The following UHRF2 variants were observed in gnomAD, a reference collection of about 807,000 sequenced individuals.
The protein encoded by UHRF2 is E3 ubiquitin-protein ligase UHRF2.
UHRF2 carries 23 observed loss-of-function variants against 96.8 expected under a neutral mutation model. That is an observed-to-expected ratio of 0.24 (90% CI 0.17 to 0.34). The LOEUF (loss-of-function observed/expected upper bound fraction) is 0.34. Among genes scored for constraint, UHRF2 ranks in the 10% least tolerant of loss-of-function variants. The probability of loss-of-function intolerance (pLI) is 1.00; values close to 1 mark genes in which losing one functional copy is unlikely to be tolerated. For missense variants in UHRF2, 685 were observed against 981.5 expected (o/e 0.70, Z 4.04); for synonymous variants, 385 against 332.6 (o/e 1.16, Z -1.72).
intron 10 of UHRF2, chr9:6,495,215 T>G (rs1587877611): frequency 6.6e-6 from 1 of 152,156 alleles, no homozygotes; most frequent in Admixed American, 6.5e-5. Context: ...TTCACACTTT[T>G]GGACAATCTG....
At chr9:6,479,808 C>G (rs963245310) in intron 6 of UHRF2, among the ~76,000 whole-genome samples, 3 of 152,188 alleles carry the variant, frequency 2.0e-5, no homozygotes, top group Non-Finnish European at 4.4e-5. Context: ...CTTTCACATA[C>G]TCTACCTCAA....
At chr9:6,483,800 C>T (rs1166102763) in intron 8 of UHRF2, among the ~76,000 whole-genome samples, 1 of 152,164 alleles carries the variant, frequency 6.6e-6, no homozygotes, top group Non-Finnish European at 1.5e-5. Flanking sequence ...AGCAATTCTC[C>T]TGCCTCAGCC....
At position 6,500,588 on chromosome 9, in the gene UHRF2, C is replaced by T. The variant is rs753632026; in HGVS notation, c.2042C>T (p.Ser681Leu). Residue 681 changes from serine to leucine, a missense_variant, in exon 14 of 16, where the codon TCA (serine) becomes TTA (leucine). Physicochemically the swap from Ser to Leu is moderately radical, Grantham distance 145. Around this residue, in one of 6 missense-constraint regions of UHRF2, gnomAD observed 99 missense variants for 73.5 expected, o/e 1.35. Transcript: ENST00000276893. ...AGTGCCTCCAAAGTGTACAAAGCAT[C>T]AGATTCAGCAGAAGCAATTGAGGCT... ...CPSASKVYKA[S>L]DSAEAIEAFQ... 1.1e-5 allele frequency: 17 copies of T among 1,613,076 alleles called. No individual in the cohort carries two copies. The Admixed American group carries it at 2.5e-4, about 24-fold the overall frequency.
intron 2 of UHRF2, chr9:6,422,958 C>G: frequency 3.4e-6 from 1 of 298,062 alleles, no homozygotes; most frequent in Non-Finnish European, 6.1e-6. Flanking sequence ...CTTTTCAAAT[C>G]TAATAAATTG....
intron 3 of UHRF2, among the ~76,000 whole-genome samples, chr9:6,449,012 T>G (rs1287141474): frequency 6.6e-6 from 1 of 152,196 alleles, no homozygotes; most frequent in Non-Finnish European, 1.5e-5. Flanking sequence ...ATAGCCAATT[T>G]TGTCTTTACC....
chr9:6,483,031 T>A (rs1196900770), intron 8 of UHRF2, among the ~76,000 whole-genome samples: 2 of 152,066 alleles, frequency 1.3e-5, no homozygotes, highest in Non-Finnish European at 2.9e-5. Flanking sequence ...ATGCTCAAAT[T>A]GCACACAAGC....
rs1165934165 is a variant in UHRF2, at chr9:6,506,918, G to A, written c.*739G>A. ...GAACTGCTTTTAGTGTCTCACCAGT[G>A]GTTTTACATCTGCAGAGTTTTGAGG... On this transcript the variant is annotated 3_prime_UTR_variant, in exon 16 of 16. Transcript: ENST00000276893. 7 of 152,696 alleles carry A rather than the reference G, an allele frequency of 4.6e-5. No homozygotes were observed. In the East Asian group the frequency reaches 1.2e-3, roughly 25 times the overall value. 9.5% of individuals were successfully genotyped at this position (152,696 alleles called of 1,614,324 possible).
chr9:6,482,973 CTG>C (rs987278489), intron 8 of UHRF2, among the ~76,000 whole-genome samples: 13 of 152,098 alleles, frequency 8.5e-5, no homozygotes, highest in African/African-American at 3.1e-4. Context: ...CCCTTGGTAT[CTG>C]TCGGGGATTG....
chr9:6,413,947 C>G, intron 1 of UHRF2: 1 of 234,660 alleles, frequency 4.3e-6, no homozygotes, highest in Non-Finnish European at 8.2e-6. Context: ...GTGCCCAGGT[C>G]CCTCGCTTCC....
intron 4 of UHRF2, among the ~76,000 whole-genome samples, chr9:6,470,345 C>G (rs912500014): frequency 2.1e-5 from 3 of 141,888 alleles, no homozygotes; most frequent in Admixed American, 1.4e-4. Context: ...GGTGACAGAG[C>G]AAGACTCCAT....
rs1211320877 is a variant in UHRF2 at position 6,423,547 on chromosome 9, A to G, written c.384+2405A>G. Among the ~76,000 whole-genome samples, 5 of 152,166 alleles carry G rather than the reference A, an allele frequency of 3.3e-5. No individual in the cohort carries two copies. In the East Asian group the frequency reaches 5.8e-4, roughly 18 times the overall value. On this transcript the variant is annotated intron_variant, in intron 2 of 15. Coordinates refer to ENST00000276893, the MANE Select transcript of UHRF2 (RefSeq NM_152896.3). The stretch of plus-strand genomic sequence containing the variant: ...ACAGTTCATTATTATAAAATGTTTC[A>G]ATATAATTCATTGTACTAATAAGCC...
intron 14 of UHRF2, among the ~76,000 whole-genome samples, chr9:6,500,911 G>A (rs1189410550): frequency 6.6e-6 from 1 of 152,158 alleles, no homozygotes; most frequent in Non-Finnish European, 1.5e-5. Flanking sequence ...TTAGATGCTG[G>A]ATTTTGACTT....
chr9:6,474,850 G>A (rs991149548), intron 4 of UHRF2, among the ~76,000 whole-genome samples: 4 of 151,940 alleles, frequency 2.6e-5, no homozygotes. Flanking sequence ...TTATGAAAAG[G>A]GCATCTTATT....
At chr9:6,425,521 G>A (rs1820205365) in intron 2 of UHRF2, among the ~76,000 whole-genome samples, 1 of 152,022 alleles carries the variant, frequency 6.6e-6, no homozygotes, top group Non-Finnish European at 1.5e-5. Flanking sequence ...TTGGGAGGCT[G>A]AGGAGGGTGG....
chr9:6,456,349 TG>T (rs1167465680), intron 3 of UHRF2, among the ~76,000 whole-genome samples: 1 of 152,346 alleles, frequency 6.6e-6, no homozygotes, highest in African/African-American at 2.4e-5. Context: ...GAGAACTGTC[TG>T]TTCATATCCT....
intron 2 of UHRF2, among the ~76,000 whole-genome samples, chr9:6,421,708 C>T (rs957909668): frequency 7.2e-5 from 11 of 152,188 alleles, no homozygotes; most frequent in African/African-American, 1.7e-4. Context: ...TGAGCCACCT[C>T]GCCCAGCCTT....
intron 2 of UHRF2, among the ~76,000 whole-genome samples, chr9:6,425,166 A>G (rs937710088): frequency 6.6e-6 from 1 of 152,206 alleles, no homozygotes; most frequent in African/African-American, 2.4e-5. Context: ...CACTGCCTTG[A>G]GGGCAGAGTA....
At chr9:6,465,712 C>G (rs749658164) in intron 4 of UHRF2, among the ~76,000 whole-genome samples, 2 of 152,124 alleles carry the variant, frequency 1.3e-5, no homozygotes, top group African/African-American at 2.4e-5. Context: ...AAGAACTAAC[C>G]TTCAGCTTTG....
intron 3 of UHRF2, among the ~76,000 whole-genome samples, chr9:6,454,827 C>G (rs1350838756): frequency 1.3e-5 from 2 of 152,192 alleles, no homozygotes; most frequent in Non-Finnish European, 2.9e-5. Flanking sequence ...AATACTAATT[C>G]CTGTATTTCT....
Sources: allele counts gnomAD v4.1 joint callset (sites outside exome capture counted in the v4.1 genomes callset), GRCh38; gene constraint gnomAD v4.1.1; regional missense constraint gnomAD v4.1.1; transcripts MANE v1.5; gene names NCBI Gene and HGNC (gene_info 2026-07-23, HGNC 2026-07-21).